The following CORIN variants were observed in gnomAD, a reference collection of about 807,000 sequenced individuals.
The protein encoded by CORIN is corin, serine peptidase.
CORIN carries 117 observed loss-of-function variants against 125.3 expected under a neutral mutation model. That is an observed-to-expected ratio of 0.93 (90% confidence interval 0.80 to 1.09). CORIN has a LOEUF of 1.09. CORIN is among the 50% of genes least tolerant of loss of function. The pLI is 0.00. For synonymous variants in CORIN, 450 were observed against 466.4 expected (o/e 0.96, Z 0.45); for missense variants, 1,253 against 1,306.7 (o/e 0.96, Z 0.63).
chr4:47,734,590 C>T (rs563793114), intron 5 of CORIN, among the ~76,000 whole-genome samples: 126 of 152,278 alleles, frequency 8.3e-4, no homozygotes, highest in African/African-American at 2.7e-3. Flanking sequence ...GTTTCTTACA[C>T]GTGGGTATCA....
At chr4:47,664,811 A>G (rs1724402842) in intron 11 of CORIN, among the ~76,000 whole-genome samples, 1 of 152,198 alleles carries the variant, frequency 6.6e-6, no homozygotes, top group African/African-American at 2.4e-5. Context: ...ACTATCATCA[A>G]AGGACGTTCA....
Position 47,671,824 on chromosome 4 carries a change from C to T in CORIN, c.1357+2569G>A, listed in dbSNP as rs1254485895. Among the ~76,000 whole-genome samples the T allele has an allele frequency of 2.0e-5, 3 of 152,204 alleles. No individual in the cohort carries two copies. The East Asian group carries it at 5.8e-4, about 29-fold the overall frequency. ...CAGGATGGTCTCAATCTCCTGACCT[C>T]ATGATCCACCCGCCTCGGCCTCCCA... On this transcript the variant is annotated intron_variant, in intron 10 of 21. Transcript: ENST00000273857.
intron 1 of CORIN, among the ~76,000 whole-genome samples, chr4:47,821,948 A>T (rs944149682): frequency 1.3e-5 from 2 of 152,164 alleles, no homozygotes; most frequent in African/African-American, 4.8e-5. Context: ...AGAATTGTGG[A>T]TGTGAATTAA....
intron 17 of CORIN, among the ~76,000 whole-genome samples, chr4:47,624,195 A>C (rs1016219574): frequency 2.6e-5 from 4 of 152,180 alleles, no homozygotes; most frequent in Non-Finnish European, 1.5e-5. Context: ...TTCTTTTTTT[A>C]GTTTATTTAA....
chr4:47,834,692 G>C (rs578191461), intron 1 of CORIN, among the ~76,000 whole-genome samples: 10 of 152,160 alleles, frequency 6.6e-5, no homozygotes, highest in Non-Finnish European at 1.3e-4. Flanking sequence ...ATTAATTGTG[G>C]TGACGGTTTT....
At chr4:47,711,413 G>A (rs562432915) in intron 5 of CORIN, among the ~76,000 whole-genome samples, 2 of 152,320 alleles carry the variant, frequency 1.3e-5, no homozygotes, top group African/African-American at 4.8e-5. Context: ...ATGGGAGCAA[G>A]TCATTCTTCT....
At chr4:47,756,741 C>T (rs61764271) in intron 4 of CORIN, among the ~76,000 whole-genome samples, 1 of 152,168 alleles carries the variant, frequency 6.6e-6, no homozygotes, top group Non-Finnish European at 1.5e-5. Context: ...ATAACCAACA[C>T]ATCAAATTCT....
At chr4:47,656,753 A>G (rs1364224374) in intron 12 of CORIN, among the ~76,000 whole-genome samples, 2 of 152,220 alleles carry the variant, frequency 1.3e-5, no homozygotes, top group Admixed American at 1.3e-4. Flanking sequence ...CACCACTGTT[A>G]TTCAACATAG....
intron 5 of CORIN, among the ~76,000 whole-genome samples, chr4:47,727,051 T>A (rs760825724): frequency 9.9e-5 from 15 of 152,022 alleles, no homozygotes; most frequent in Non-Finnish European, 1.6e-4. Flanking sequence ...AGACCATGCA[T>A]GGCTTTACTG....
At chr4:47,799,103 TGG>T (rs760681653) in intron 2 of CORIN, among the ~76,000 whole-genome samples, 1 of 140,978 alleles carries the variant, frequency 7.1e-6, no homozygotes, top group African/African-American at 2.8e-5. Context: ...TAGTATCCCA[TGG>T]GGTGTGTGTG....
chr4:47,729,337 G>A (rs552624251), intron 5 of CORIN, among the ~76,000 whole-genome samples: 1 of 152,146 alleles, frequency 6.6e-6, no homozygotes, highest in Non-Finnish European at 1.5e-5. Flanking sequence ...AATAATGACA[G>A]CTGTTTCTTA....
At chr4:47,623,819 T>G in intron 18 of CORIN, 74 bp from the exon 19 acceptor site, 1 of 1,607,924 alleles carries the variant, frequency 6.2e-7, no homozygotes, top group South Asian at 1.1e-5. Context: ...TTGCTGTCAC[T>G]TACAAGCGAT....
At chr4:47,608,263 G>GTGAGC (rs1215190715) in intron 19 of CORIN, among the ~76,000 whole-genome samples, 2 of 152,068 alleles carry the variant, frequency 1.3e-5, no homozygotes, top group Admixed American at 1.3e-4. Context: ...GGAGGCTGCA[G>GTGAGC]TGAGCTGAGA....
At chr4:47,830,932 A>C (rs1732959274) in intron 1 of CORIN, among the ~76,000 whole-genome samples, 1 of 152,236 alleles carries the variant, frequency 6.6e-6, no homozygotes. Flanking sequence ...GTACTCTTCA[A>C]GTGCTGTCAA....
chr4:47,757,905 TACACAAATATACAC>T (rs1729256336), intron 4 of CORIN, among the ~76,000 whole-genome samples: 2 of 141,656 alleles, frequency 1.4e-5, no homozygotes, highest in African/African-American at 5.3e-5. Context: ...TATATATATA[TACACAAATATACAC>T]ATATATATAT....
At chr4:47,764,493 C>T (rs1486123057) in intron 3 of CORIN, among the ~76,000 whole-genome samples, 3 of 152,178 alleles carry the variant, frequency 2.0e-5, no homozygotes, top group Non-Finnish European at 2.9e-5. Flanking sequence ...TATAAAGATT[C>T]ATTGCTTTTA....
At chr4:47,672,442 A>G (rs754159491) in intron 10 of CORIN, among the ~76,000 whole-genome samples, 10 of 152,192 alleles carry the variant, frequency 6.6e-5, no homozygotes, top group Non-Finnish European at 1.2e-4. Context: ...TCTAATAGTA[A>G]GTGTCATTCC....
intron 16 of CORIN, among the ~76,000 whole-genome samples, chr4:47,638,131 G>C (rs1723100349): frequency 6.6e-6 from 1 of 152,204 alleles, no homozygotes; most frequent in South Asian, 2.1e-4. Context: ...GGGGCCTGTA[G>C]CCCCTTTGTT....
intron 3 of CORIN, among the ~76,000 whole-genome samples, chr4:47,781,886 C>A (rs939679726): frequency 6.6e-6 from 1 of 151,026 alleles, no homozygotes; most frequent in East Asian, 2.0e-4. Context: ...TGCAGTGAGC[C>A]GAGATCATGC....
Sources: gnomAD v4.1 joint callset for allele counts (sites outside exome capture counted in the v4.1 genomes callset) on GRCh38, gnomAD v4.1.1 for gene constraint, MANE v1.5 for transcripts, NCBI Gene and HGNC (gene_info 2026-07-23, HGNC 2026-07-21) for gene names.